Variants in MROH2A observed in about 807,000 individuals in gnomAD.
MROH2A encodes the protein maestro heat-like repeat-containing protein family member 2A.
A neutral mutation model predicts 200.4 loss-of-function variants in MROH2A; 174 were observed. The ratio of observed to expected loss-of-function variants is 0.87; its 90% confidence interval spans 0.77 to 0.98. The LOEUF (loss-of-function observed/expected upper bound fraction) is 0.98. Among genes scored for constraint, MROH2A ranks in the 50% least tolerant of loss-of-function variants. The pLI is 0.00. For missense variants in MROH2A, 2,045 were observed against 2,139.6 expected (o/e 0.96, Z 0.87); for synonymous variants, 829 against 840.4 (o/e 0.99, Z 0.23).
chr2:233,792,388 C>T (rs538206319), intron 5 of MROH2A, among the ~76,000 whole-genome samples: 60 of 151,650 alleles, frequency 4.0e-4, no homozygotes, highest in Non-Finnish European at 7.2e-4. Flanking sequence ...TCTCGGCTCA[C>T]TGCAAGCTCC....
In MROH2A at chr2:233,819,897, C is replaced by G. The variant is rs566547720; in HGVS notation, c.3358-5C>G. On this transcript the variant is annotated splice_polypyrimidine_tract_variant and splice_region_variant and intron_variant, in intron 30 of 41. Transcript: ENST00000389758. ...GCCCCCCGGTGATGCCCCATCCCTA[C>G]CTAGGTGGCCGAGATCCTGAGTGCC... 16 of 1,505,162 alleles carry G rather than the reference C, an allele frequency of 1.1e-5. No homozygotes were observed. Among genetic ancestry groups the G allele is most frequent in the South Asian group, 6.4e-5 (5 of 78,044 alleles). The allele number at this position is 1,505,162 out of a possible 1,614,324, so 93.2% of individuals were successfully genotyped here. A position where few individuals can be genotyped will look rare whatever the true frequency, so the allele number is the denominator to read the frequency against.
intron 37 of MROH2A, 70 bp downstream of exon 37, chr2:233,829,142 G>A: frequency 1.4e-5 from 20 of 1,398,584 alleles, no homozygotes; most frequent in Non-Finnish European, 1.9e-5. Flanking sequence ...CTAAGGAAGA[G>A]ATGGGCTCTA....
At chr2:233,795,576 C>T (rs745347972) in intron 8 of MROH2A, 77 bp from the exon 9 acceptor site, 2 of 1,547,950 alleles carry the variant, frequency 1.3e-6, no homozygotes, top group South Asian at 1.2e-5. Flanking sequence ...GTCAGTGGGC[C>T]CCTGAGTAGC....
In MROH2A at chr2:233,826,983, A is replaced by G. The variant is rs115203475; in HGVS notation, c.4114-1647A>G. On this transcript the variant is annotated intron_variant, in intron 35 of 41. Coordinates refer to ENST00000389758, the MANE Select transcript of MROH2A (RefSeq NM_001394639.1). Reference sequence around the variant, plus strand: ...AACATATGAAAAAAAGCTAAATATCACTGATCATTAGGTAAATGCAAATCA... The same window carrying G: ...AACATATGAAAAAAAGCTAAATATCGCTGATCATTAGGTAAATGCAAATCA... Among the ~76,000 whole-genome samples, 1,168 of 152,344 alleles carry G rather than the reference A, an allele frequency of 7.7e-3. 9 individuals carry two copies. The highest frequency in any genetic ancestry group is 0.025 in the African/African-American group (1,054 of 41,574).
chr2:233,831,344 C>T, intron 38 of MROH2A, 65 bp from the exon 39 acceptor site: 1 of 1,475,818 alleles, frequency 6.8e-7, no homozygotes, highest in Non-Finnish European at 9.0e-7. Context: ...TTCCTGCCAG[C>T]CTCACCCCTC....
At chr2:233,789,148 C>A (rs1405387400) in intron 3 of MROH2A, among the ~76,000 whole-genome samples, 1 of 151,946 alleles carries the variant, frequency 6.6e-6, no homozygotes, top group Non-Finnish European at 1.5e-5. Context: ...CCACAGACTC[C>A]CTCAATAGGG....
Position 233,828,538 on chromosome 2 carries a change from A to G in MROH2A, c.4114-92A>G. On this transcript the variant is annotated intron_variant, in intron 35 of 41. Coordinates refer to ENST00000389758, the MANE Select transcript of MROH2A (RefSeq NM_001394639.1). This position sits in a 1 kb window ranked among gnomAD's most constrained non-coding sequence, Gnocchi z 4.6. ...CCCCTCCCCTCCTGTCCACAGAGCC[A>G]CCAATCTGCATTACCTCTCCTCCCA... 1 of 1,458,214 alleles carries G rather than the reference A, an allele frequency of 6.9e-7. No homozygotes were observed. The highest frequency in any genetic ancestry group is 9.2e-7 in the Non-Finnish European group (1 of 1,086,888). The allele number at this position is 1,458,214 out of a possible 1,614,324, so 90.3% of individuals were successfully genotyped here.
In MROH2A at chr2:233,779,756, G is replaced by A; in HGVS notation, c.180G>A (p.Met60Ile). ...KTDTTGAGLD[M>I]RKTLASVIIM... ...ACACAACAGGGGCAGGCCTTGACAT[G>A]CGGAAGACCCTGGCCTCGGTGATAA... Residue 60 changes from methionine (M) to isoleucine (I), a missense_variant, in exon 3 of 42, where the codon ATG becomes ATA. Physicochemically the swap from Met to Ile is conservative, Grantham distance 10. Transcript: ENST00000389758. The A allele has an allele frequency of 1.3e-6, 2 of 1,551,024 alleles. No homozygotes were observed. The highest frequency in any genetic ancestry group is 2.0e-5 in the Admixed American group (1 of 51,000).
chr2:233,795,509 T>G, intron 8 of MROH2A, 144 bp from the exon 9 acceptor site: 1 of 1,279,724 alleles, frequency 7.8e-7, no homozygotes, highest in Non-Finnish European at 1.1e-6. Context: ...AGGACTGGGG[T>G]AGGGCCTGAG....
upstream of MROH2A, among the ~76,000 whole-genome samples, chr2:233,777,765 T>A (rs1700752371): frequency 1.3e-5 from 2 of 152,198 alleles, no homozygotes; most frequent in Non-Finnish European, 2.9e-5. Context: ...TAGAAAGATT[T>A]CCCAAAGGCC....
intron 15 of MROH2A, 60 bp downstream of exon 15, chr2:233,802,375 G>A: frequency 1.3e-6 from 2 of 1,499,294 alleles, no homozygotes; most frequent in Non-Finnish European, 1.8e-6. Flanking sequence ...CCTTGTCTGG[G>A]AATGCCCACC....
chr2:233,795,022 G>A (rs960126628), intron 8 of MROH2A, among the ~76,000 whole-genome samples: 6 of 152,074 alleles, frequency 3.9e-5, no homozygotes, highest in African/African-American at 1.4e-4. Context: ...GTGTCCCTCT[G>A]TGTCCTCTTC....
intron 31 of MROH2A, among the ~76,000 whole-genome samples, chr2:233,821,197 G>A (rs1023365294): frequency 2.6e-5 from 4 of 152,222 alleles, no homozygotes; most frequent in Admixed American, 1.3e-4. Flanking sequence ...TCACAAGCCT[G>A]TGATGAGGGT....
intron 25 of MROH2A, 86 bp from the exon 26 acceptor site, chr2:233,814,496 C>T: frequency 3.4e-6 from 3 of 887,806 alleles, no homozygotes; most frequent in South Asian, 1.5e-5. Flanking sequence ...GACTGCCAGA[C>T]CCCTCCCTGG....
Position 233,807,346 on chromosome 2 carries a change from A to T in MROH2A, c.2053-77A>T. 1 of 1,411,508 alleles carries T rather than the reference A, an allele frequency of 7.1e-7. No homozygotes were observed. The highest frequency in any genetic ancestry group is 1.4e-5 in the African/African-American group (1 of 69,132). 87.4% of individuals were successfully genotyped at this position (1,411,508 alleles called of 1,614,324 possible). On this transcript the variant is annotated intron_variant, in intron 19 of 41. Transcript: ENST00000389758. The surrounding 1 kb of genome is among the most constrained non-coding windows in gnomAD (Gnocchi z 4.3). ...TTAAAATAAATTGAAAAATACGTAG[A>T]AAACTCTCTACAACAGCACCCCCTG...
chr2:233,826,969 A>T (rs1023474697), intron 35 of MROH2A, among the ~76,000 whole-genome samples: 7 of 152,262 alleles, frequency 4.6e-5, no homozygotes, highest in African/African-American at 1.4e-4. Flanking sequence ...ACATATGAAA[A>T]AAAGCTAAAT....
chr2:233,805,057 G>A lies in MROH2A; in HGVS notation c.1998G>A (p.Leu666=). ...GGGGGTCTAGCTGGAGCCTGCGCTTGAGTAAAGAGCTGAACAACCAGATTG... is the reference window on the plus strand; with the variant it reads ...GGGGGTCTAGCTGGAGCCTGCGCTTAAGTAAAGAGCTGAACAACCAGATTG... ...KTRGSSWSLR[L]SKELNNQIAS... The change falls in exon 19 of 42, where the codon TTG becomes TTA. Residue 666 remains leucine (L), a synonymous_variant. Transcript: ENST00000389758. The A allele has an allele frequency of 1.3e-6, 2 of 1,550,294 alleles. No homozygotes were observed. Among genetic ancestry groups the A allele is most frequent in the East Asian group, 2.4e-5 (1 of 40,890 alleles).
intron 41 of MROH2A, 37 bp from the exon 42 acceptor site, chr2:233,833,101 C>A: frequency 2.0e-6 from 3 of 1,506,762 alleles, no homozygotes; most frequent in South Asian, 1.3e-5. Flanking sequence ...CCTGACTGGG[C>A]GGGGCCTGAA....
At chr2:233,785,033 C>T (rs1701127799) in intron 3 of MROH2A, among the ~76,000 whole-genome samples, 1 of 152,044 alleles carries the variant, frequency 6.6e-6, no homozygotes, top group Admixed American at 6.5e-5. Context: ...GTAATCCCAG[C>T]TACCCGGGAG....
Sources: allele counts gnomAD v4.1 joint callset (sites outside exome capture counted in the v4.1 genomes callset), GRCh38; gene constraint gnomAD v4.1.1; non-coding constraint Gnocchi (gnomAD v3.1); transcripts MANE v1.5; gene names NCBI Gene and HGNC (gene_info 2026-07-23, HGNC 2026-07-21).